Variants in SPAG16 observed in about 807,000 individuals in gnomAD.
The protein encoded by SPAG16 is sperm associated antigen 16, also known as sperm-associated antigen 16 protein.
In SPAG16, 86 loss-of-function variants were observed where a neutral mutation model predicts 80.4. The ratio of observed to expected loss-of-function variants is 1.07; its 90% CI spans 0.90 to 1.28. The LOEUF is 1.28. SPAG16 is among the 50% of genes most tolerant of loss of function. The probability of loss-of-function intolerance (pLI) is 0.00; values close to 1 mark genes in which losing one functional copy is unlikely to be tolerated. For missense variants in SPAG16, 870 were observed against 765.3 expected (o/e 1.14, Z -1.61); for synonymous variants, 294 against 265.9 (o/e 1.11, Z -1.03).
intron 13 of SPAG16, among the ~76,000 whole-genome samples, chr2:214,085,038 G>A (rs2051629124): frequency 6.6e-6 from 1 of 152,190 alleles, no homozygotes; most frequent in African/African-American, 2.4e-5. Context: ...TTCACAGAAA[G>A]CAGGTGCTTT....
intron 15 of SPAG16, among the ~76,000 whole-genome samples, chr2:214,336,359 G>A (rs992613120): frequency 4.6e-5 from 7 of 152,062 alleles, no homozygotes; most frequent in African/African-American, 1.7e-4. Context: ...TTGCTAAATT[G>A]GAGACATCTG....
At chr2:213,937,863 G>A (rs1317342181) in intron 12 of SPAG16, among the ~76,000 whole-genome samples, 1 of 151,926 alleles carries the variant, frequency 6.6e-6, no homozygotes, top group Non-Finnish European at 1.5e-5. Flanking sequence ...TGATGTGAAC[G>A]TTCTTTGATA....
intron 11 of SPAG16, among the ~76,000 whole-genome samples, chr2:213,892,147 A>G (rs976288007): frequency 6.6e-6 from 1 of 152,148 alleles, no homozygotes; most frequent in Non-Finnish European, 1.5e-5. Flanking sequence ...ATAGGTCCCT[A>G]GAACACAAAA....
chr2:214,132,828 A>G (rs2054846981), intron 14 of SPAG16, among the ~76,000 whole-genome samples: 1 of 152,100 alleles, frequency 6.6e-6, no homozygotes, highest in Non-Finnish European at 1.5e-5. Flanking sequence ...GGCTGGGCCT[A>G]TGCCTTGTAA....
chr2:213,866,690 G>C (rs2075698755), intron 11 of SPAG16, among the ~76,000 whole-genome samples: 1 of 151,984 alleles, frequency 6.6e-6, no homozygotes, highest in Admixed American at 6.6e-5. Flanking sequence ...AGTTCAAGAG[G>C]GGAACATAAA....
In SPAG16 at chr2:213,468,572, T is replaced by C. The variant is rs560830288; in HGVS notation, c.943-21391T>C. ...GTATTTATATATAGAGATATATATA[T>C]CTATGTATTTATATATAGAGATATA... On this transcript the variant is annotated intron_variant, in intron 9 of 15. Coordinates refer to ENST00000331683, the MANE Select transcript of SPAG16 (RefSeq NM_024532.5). Among the ~76,000 whole-genome samples the C allele has an allele frequency of 8.2e-3, 1,184 of 143,860 alleles. 8 individuals are homozygous for C. Among genetic ancestry groups the C allele is most frequent in the Non-Finnish European group, 0.013 (835 of 66,378 alleles). The allele number at this position is 143,860 out of a possible 152,430, so 94.4% of individuals were successfully genotyped here. A position where few individuals can be genotyped will look rare whatever the true frequency, so the allele number is the denominator to read the frequency against.
intron 10 of SPAG16, among the ~76,000 whole-genome samples, chr2:213,643,811 G>C (rs12995729): frequency 0.49 from 52,097 of 105,592 alleles, 11,687 homozygotes; most frequent in Middle Eastern, 0.65. Context: ...CGCAGTTTCA[G>C]TCTTTGTTGT....
chr2:213,985,972 A>G (rs2045979737), intron 12 of SPAG16, among the ~76,000 whole-genome samples: 1 of 152,074 alleles, frequency 6.6e-6, no homozygotes, highest in Admixed American at 6.6e-5. Flanking sequence ...TCCTCTTTCT[A>G]TATGAAGGAA....
At chr2:214,100,057 TG>T (rs934285938) in intron 13 of SPAG16, among the ~76,000 whole-genome samples, 3 of 151,972 alleles carry the variant, frequency 2.0e-5, no homozygotes, top group African/African-American at 2.4e-5. Context: ...GATTGGATCG[TG>T]GGGGCAGTGT....
chr2:213,655,333 T>A (rs1282636408), intron 10 of SPAG16, among the ~76,000 whole-genome samples: 1 of 152,144 alleles, frequency 6.6e-6, no homozygotes, highest in African/African-American at 2.4e-5. Context: ...GAGCTGGATA[T>A]TGGAGGGAAG....
At chr2:213,382,025 A>G (rs2067200379) in intron 9 of SPAG16, among the ~76,000 whole-genome samples, 1 of 151,788 alleles carries the variant, frequency 6.6e-6, no homozygotes, top group Non-Finnish European at 1.5e-5. Context: ...ACATTGTACA[A>G]ACCTGTATGG....
intron 11 of SPAG16, among the ~76,000 whole-genome samples, chr2:213,894,122 A>G (rs1362356695): frequency 2.6e-5 from 4 of 152,170 alleles, no homozygotes; most frequent in Non-Finnish European, 5.9e-5. Flanking sequence ...TAAACTACAG[A>G]TTAAAGGCTA....
intron 14 of SPAG16, among the ~76,000 whole-genome samples, chr2:214,143,915 C>T (rs145381550): frequency 6.8e-4 from 103 of 152,104 alleles, no homozygotes; most frequent in African/African-American, 2.4e-3. Context: ...CCCAGCACTT[C>T]GGCAGGTCAA....
chr2:214,257,668 T>A (rs1690791398), intron 15 of SPAG16, among the ~76,000 whole-genome samples: 1 of 152,132 alleles, frequency 6.6e-6, no homozygotes, highest in Admixed American at 6.6e-5. Flanking sequence ...CTTGAGCTTT[T>A]GTAAAACAGC....
At position 213,418,268 on chromosome 2, in the gene SPAG16, T is replaced by C. The variant is rs557702668; in HGVS notation, c.942+43149T>C. Among the ~76,000 whole-genome samples the C allele has an allele frequency of 1.9e-4, 29 of 151,928 alleles. 1 individual carries two copies. The highest frequency in any genetic ancestry group is 1.0e-3 in the Admixed American group (16 of 15,262). On this transcript the variant is annotated intron_variant, in intron 9 of 15. Transcript: ENST00000331683. ...TTATATCCATCTACACACACACACA[T>C]ATATATATATGCACACATGTACACT...
rs575818653 is a variant in SPAG16, at chr2:214,100,699, T to A, written c.1528-7497T>A. On this transcript the variant is annotated intron_variant, in intron 13 of 15. Coordinates refer to ENST00000331683, the MANE Select transcript of SPAG16 (RefSeq NM_024532.5). ...AGATAATGACCTCCAGCTCTATCCA[T>A]GGTCCTGCAAAGGACATGATCTCAT... Among the ~76,000 whole-genome samples, 6 of 152,282 alleles carry A rather than the reference T, an allele frequency of 3.9e-5. No individual in the cohort carries two copies. The East Asian group carries it at 1.2e-3, about 29-fold the overall frequency.
chr2:214,251,671 C>T (rs562457159), intron 15 of SPAG16, among the ~76,000 whole-genome samples: 11 of 152,234 alleles, frequency 7.2e-5, no homozygotes, highest in African/African-American at 2.6e-4. Flanking sequence ...AGAACAATGT[C>T]ACTGCATGGG....
intron 15 of SPAG16, among the ~76,000 whole-genome samples, chr2:214,326,859 G>T (rs939606092): frequency 6.7e-6 from 1 of 148,482 alleles, no homozygotes; most frequent in Non-Finnish European, 1.5e-5. Context: ...GCAGGAGAAT[G>T]GTGTGAACCC....
At chr2:213,803,200 GAGATAGAA>G (rs1293456178) in intron 10 of SPAG16, among the ~76,000 whole-genome samples, 1 of 152,164 alleles carries the variant, frequency 6.6e-6, no homozygotes, top group Non-Finnish European at 1.5e-5. Flanking sequence ...TTATAGACAT[GAGATAGAA>G]AGTCCCCTGG....
Sources: gnomAD v4.1 joint callset for allele counts (sites outside exome capture counted in the v4.1 genomes callset) on GRCh38, gnomAD v4.1.1 for gene constraint, MANE v1.5 for transcripts, NCBI Gene and HGNC (gene_info 2026-07-23, HGNC 2026-07-21) for gene names.